ATP6V0E1: variants seen among roughly 807,000 people sequenced by gnomAD.
The protein encoded by ATP6V0E1 is ATPase H+ transporting V0 subunit e1, also known as V-type proton ATPase subunit e 1.
ATP6V0E1 carries 4 observed loss-of-function variants against 11.6 expected under a neutral mutation model. That is an observed-to-expected ratio of 0.35 (90% CI 0.17 to 0.79). The LOEUF (loss-of-function observed/expected upper bound fraction) is 0.79, where lower values mean the gene tolerates loss of function less well. Among genes scored for constraint, ATP6V0E1 ranks in the 30% least tolerant of loss-of-function variants. ATP6V0E1 has a pLI of 0.54. For missense variants in ATP6V0E1, 105 were observed against 100.0 expected (o/e 1.05, Z -0.21); for synonymous variants, 36 against 34.8 (o/e 1.04, Z -0.13).
At chr5:172,988,750 A>C (rs1370843051) in intron 1 of ATP6V0E1, among the ~76,000 whole-genome samples, 1 of 152,022 alleles carries the variant, frequency 6.6e-6, no homozygotes, top group Non-Finnish European at 1.5e-5. Flanking sequence ...GTGTGGTGGC[A>C]CAATCTCGGC....
At chr5:173,002,757 G>GC (rs1364741260) in intron 2 of ATP6V0E1, among the ~76,000 whole-genome samples, 2 of 152,240 alleles carry the variant, frequency 1.3e-5, no homozygotes, top group Non-Finnish European at 2.9e-5. Context: ...GGAAGCTGAG[G>GC]CAGGAGAATT....
At chr5:172,992,004 T>TTCTTTCTTCTTTCTG (rs138499986) in intron 1 of ATP6V0E1, among the ~76,000 whole-genome samples, 2 of 150,902 alleles carry the variant, frequency 1.3e-5, no homozygotes, top group African/African-American at 4.9e-5. Flanking sequence ...TCTTTCTTCT[T>TTCTTTCTTCTTTCTG]TCTGTCTGTC....
At chr5:173,033,150 G>C (rs908958787) in intron 3 of ATP6V0E1, among the ~76,000 whole-genome samples, 1 of 152,106 alleles carries the variant, frequency 6.6e-6, no homozygotes. Flanking sequence ...CCTAGGCTGG[G>C]GTGCAGAATG....
At chr5:173,013,240 T>A (rs1002346583) in intron 2 of ATP6V0E1, among the ~76,000 whole-genome samples, 1 of 151,346 alleles carries the variant, frequency 6.6e-6, no homozygotes, top group African/African-American at 2.4e-5. Context: ...TGGGACTATA[T>A]TAAACTAAAA....
At chr5:172,998,607 C>G (rs1413808803) in intron 2 of ATP6V0E1, among the ~76,000 whole-genome samples, 1 of 110,084 alleles carries the variant, frequency 9.1e-6, no homozygotes, top group African/African-American at 4.2e-5. Flanking sequence ...GAGACTCCAT[C>G]TTAAAAAAAA....
At chr5:172,988,268 A>T (rs866114988) in intron 1 of ATP6V0E1, among the ~76,000 whole-genome samples, 4 of 152,294 alleles carry the variant, frequency 2.6e-5, no homozygotes, top group Middle Eastern at 3.4e-3. Flanking sequence ...TGCCTGTATT[A>T]TCTGGGTCCA....
chr5:172,985,184 G>A (rs1755876497), intron 1 of ATP6V0E1, among the ~76,000 whole-genome samples: 1 of 150,258 alleles, frequency 6.7e-6, no homozygotes, highest in Non-Finnish European at 1.5e-5. Context: ...GGCAGAGCTT[G>A]CAGTGAGCCG....
intron 2 of ATP6V0E1, among the ~76,000 whole-genome samples, chr5:173,017,577 T>TCACAGGCG (rs1328890663): frequency 5.5e-5 from 8 of 145,810 alleles, no homozygotes; most frequent in African/African-American, 2.0e-4. Context: ...CTGCAGTGGC[T>TCACAGGCG]CACGCCTGTA....
chr5:172,990,384 T>C (rs1394232524), intron 1 of ATP6V0E1, among the ~76,000 whole-genome samples: 1 of 152,192 alleles, frequency 6.6e-6, no homozygotes, highest in Non-Finnish European at 1.5e-5. Flanking sequence ...GCTTCCATTT[T>C]CTCACAGTGG....
At chr5:173,018,078 C>CCCCT (rs1296320099) in intron 2 of ATP6V0E1, among the ~76,000 whole-genome samples, 1 of 152,076 alleles carries the variant, frequency 6.6e-6, no homozygotes, top group African/African-American at 2.4e-5. Context: ...AGGTTCCGAT[C>CCCCT]CCCTGCACAG....
intron 2 of ATP6V0E1, among the ~76,000 whole-genome samples, chr5:173,007,738 C>T (rs57360539): frequency 1.3e-5 from 2 of 152,192 alleles, no homozygotes; most frequent in African/African-American, 4.8e-5. Flanking sequence ...TCAGACCTCA[C>T]TAGACAAAGT....
At chr5:172,989,171 C>T (rs1231982324) in intron 1 of ATP6V0E1, among the ~76,000 whole-genome samples, 2 of 152,134 alleles carry the variant, frequency 1.3e-5, no homozygotes, top group African/African-American at 4.8e-5. Flanking sequence ...CTGGTCTCTA[C>T]AAAAACAATT....
chr5:172,998,734 G>A (rs935481437), intron 2 of ATP6V0E1, among the ~76,000 whole-genome samples: 6 of 152,054 alleles, frequency 3.9e-5, no homozygotes, highest in Non-Finnish European at 5.9e-5. Context: ...GTAAGGGAGC[G>A]CCATATCAAT....
At chr5:173,005,626 T>C (rs1756217200) in intron 2 of ATP6V0E1, among the ~76,000 whole-genome samples, 1 of 152,232 alleles carries the variant, frequency 6.6e-6, no homozygotes, top group Admixed American at 6.5e-5. Context: ...ATCAAAATTT[T>C]ATCTTGGTTA....
At chr5:173,013,121 G>A (rs544039076) in intron 2 of ATP6V0E1, among the ~76,000 whole-genome samples, 1 of 152,218 alleles carries the variant, frequency 6.6e-6, no homozygotes, top group South Asian at 2.1e-4. Context: ...GATCAAGGCT[G>A]CAATGAGCTG....
At position 172,994,757 on chromosome 5, in the gene ATP6V0E1, A is replaced by ATTTTTTTT; in HGVS notation, c.105-10_105-3dup. 7.2e-7 allele frequency: 1 copy of ATTTTTTTT among 1,397,928 alleles called. No homozygotes were observed. The highest frequency in any genetic ancestry group is 9.7e-7 in the Non-Finnish European group (1 of 1,032,394). The allele number at this position is 1,397,928 out of a possible 1,614,324, so 86.6% of individuals were successfully genotyped here. A position where few individuals can be genotyped will look rare whatever the true frequency, so the allele number is the denominator to read the frequency against. Reference sequence around the variant, plus strand: ...TTGCTAGTTATTTAATGACATTTGCATTTTTTTTTTTTTTTAGAGTTATCA... The same window carrying ATTTTTTTT: ...TTGCTAGTTATTTAATGACATTTGCATTTTTTTTTTTTTTTTTTTTTTTAGAGTTATCA... On this transcript the variant is annotated splice_polypyrimidine_tract_variant and intron_variant, in intron 1 of 3. Coordinates refer to ENST00000519374, the MANE Select transcript of ATP6V0E1 (RefSeq NM_003945.4).
chr5:173,020,432 C>G, intron 3 of ATP6V0E1, 65 bp downstream of exon 3: 2 of 1,019,610 alleles, frequency 2.0e-6, no homozygotes, highest in Non-Finnish European at 2.9e-6. Context: ...TTGACTTTTT[C>G]TCACATTTTA....
At chr5:173,026,002 A>AT (rs1050899722) in intron 3 of ATP6V0E1, among the ~76,000 whole-genome samples, 39 of 144,016 alleles carry the variant, frequency 2.7e-4, no homozygotes, top group Non-Finnish European at 3.6e-4. Context: ...AAATAATAAT[A>AT]TTTTTTTTTT....
chr5:172,988,992 G>A (rs1194346388), intron 1 of ATP6V0E1, among the ~76,000 whole-genome samples: 1 of 152,058 alleles, frequency 6.6e-6, no homozygotes. Context: ...CTAGCTTGTG[G>A]TGAATTTTTA....
Sources: gnomAD v4.1 joint callset for allele counts (sites outside exome capture counted in the v4.1 genomes callset) on GRCh38, gnomAD v4.1.1 for gene constraint, MANE v1.5 for transcripts, NCBI Gene and HGNC (gene_info 2026-07-23, HGNC 2026-07-21) for gene names.